GALNT13: variants seen among roughly 807,000 people sequenced by gnomAD.
GALNT13 encodes the protein UDP-GalNAc:polypeptide N-acetylgalactosaminyltransferase 13.
Under a neutral mutation model 64.2 loss-of-function variants are expected in GALNT13, and 28 were observed. The ratio of observed to expected loss-of-function variants is 0.44; its 90% CI spans 0.32 to 0.60. GALNT13 has a LOEUF of 0.60. Ranked by LOEUF, GALNT13 falls within the 20% of genes least tolerant of loss-of-function variation. The pLI, the probability that GALNT13 is intolerant of heterozygous loss-of-function variation, is 0.05. For synonymous variants in GALNT13, 214 were observed against 224.6 expected (o/e 0.95, Z 0.42); for missense variants, 577 against 669.8 (o/e 0.86, Z 1.53).
the GALNT13 span, among the ~76,000 whole-genome samples, chr2:153,119,693 A>C: frequency 6.6e-6 from 1 of 152,196 alleles, no homozygotes; most frequent in Non-Finnish European, 1.5e-5. Flanking sequence ...GCCAGGTTAG[A>C]AGAGCCAAGG....
intron 9 of GALNT13, among the ~76,000 whole-genome samples, chr2:154,380,873 C>T (rs1698236786): frequency 6.6e-6 from 1 of 151,916 alleles, no homozygotes; most frequent in Non-Finnish European, 1.5e-5. Context: ...GAATTTAGTT[C>T]CTTGGAGATT....
At chr2:153,902,491 T>A (rs1688304385) in intron 2 of GALNT13, among the ~76,000 whole-genome samples, 1 of 152,112 alleles carries the variant, frequency 6.6e-6, no homozygotes, top group Non-Finnish European at 1.5e-5. Context: ...GGAAACTATT[T>A]TTCCTCAAAC....
At chr2:153,473,837 T>C in the GALNT13 span, among the ~76,000 whole-genome samples, 4 of 152,304 alleles carry the variant, frequency 2.6e-5, no homozygotes, top group East Asian at 5.8e-4. Flanking sequence ...AAAAAGTGGA[T>C]GTTAAAGAGT....
chr2:153,562,343 TTC>T, the GALNT13 span, among the ~76,000 whole-genome samples: 1 of 152,144 alleles, frequency 6.6e-6, no homozygotes, highest in South Asian at 2.1e-4. Context: ...AACATTTTCA[TTC>T]TTTTATCCCT....
the GALNT13 span, among the ~76,000 whole-genome samples, chr2:153,169,896 G>A: frequency 6.6e-6 from 1 of 152,168 alleles, no homozygotes; most frequent in Non-Finnish European, 1.5e-5. Flanking sequence ...GACCTCATTA[G>A]CATGTGTGGT....
At chr2:153,635,445 C>CATATATATATGTATATATATATACAT in the GALNT13 span, among the ~76,000 whole-genome samples, 1 of 132,428 alleles carries the variant, frequency 7.6e-6, no homozygotes, top group Non-Finnish European at 1.6e-5. Flanking sequence ...TATATACACA[C>CATATATATATGTATATATATATACAT]ATATATATGT....
chr2:153,917,720 G>T (rs1427005753), intron 2 of GALNT13, among the ~76,000 whole-genome samples: 1 of 152,156 alleles, frequency 6.6e-6, no homozygotes, highest in Admixed American at 6.6e-5. Flanking sequence ...ACACAGGCTG[G>T]TGAGTATTCT....
At chr2:153,411,698 T>A in the GALNT13 span, among the ~76,000 whole-genome samples, 1 of 152,144 alleles carries the variant, frequency 6.6e-6, no homozygotes, top group Non-Finnish European at 1.5e-5. Context: ...AAGCTTCTTA[T>A]GAAGGAAAGA....
chr2:153,472,970 T>C, the GALNT13 span, among the ~76,000 whole-genome samples: 1 of 151,776 alleles, frequency 6.6e-6, no homozygotes, highest in African/African-American at 2.4e-5. Flanking sequence ...CACTCATAAG[T>C]GGGAGTTGAA....
the GALNT13 span, among the ~76,000 whole-genome samples, chr2:153,579,700 G>A: frequency 6.6e-6 from 1 of 152,136 alleles, no homozygotes; most frequent in East Asian, 1.9e-4. Flanking sequence ...AGCAGGGGAT[G>A]AGGAGGCACA....
At chr2:153,108,321 T>TTGTATGCTG in the GALNT13 span, among the ~76,000 whole-genome samples, 1 of 152,162 alleles carries the variant, frequency 6.6e-6, no homozygotes, top group Non-Finnish European at 1.5e-5. Flanking sequence ...AAATGCTGAA[T>TTGTATGCTG]TGTATGCTGT....
the GALNT13 span, among the ~76,000 whole-genome samples, chr2:153,524,735 T>C: frequency 6.6e-6 from 1 of 152,280 alleles, no homozygotes; most frequent in East Asian, 1.9e-4. Context: ...ATCCCAGCAG[T>C]TGAAACTTGA....
the GALNT13 span, among the ~76,000 whole-genome samples, chr2:153,088,126 G>A: frequency 2.6e-5 from 4 of 151,846 alleles, no homozygotes; most frequent in African/African-American, 9.7e-5. Context: ...TCTTAGCACT[G>A]TTTTTGCTGT....
the GALNT13 span, among the ~76,000 whole-genome samples, chr2:153,318,643 C>T: frequency 6.6e-6 from 1 of 152,122 alleles, no homozygotes; most frequent in Non-Finnish European, 1.5e-5. Flanking sequence ...GGCCTGATGT[C>T]AGATGTAGCC....
At chr2:153,342,841 C>T in the GALNT13 span, among the ~76,000 whole-genome samples, 3 of 152,162 alleles carry the variant, frequency 2.0e-5, no homozygotes, top group Admixed American at 2.0e-4. Flanking sequence ...ACTCCATTAC[C>T]TTGAACTTGC....
At chr2:153,483,216 C>A in the GALNT13 span, among the ~76,000 whole-genome samples, 1 of 152,012 alleles carries the variant, frequency 6.6e-6, no homozygotes, top group Admixed American at 6.6e-5. Context: ...AGCAATTCCA[C>A]TTCTAGGTAT....
intron 3 of GALNT13, among the ~76,000 whole-genome samples, chr2:154,107,764 C>T (rs1290847560): frequency 6.6e-6 from 1 of 151,934 alleles, no homozygotes; most frequent in East Asian, 1.9e-4. Flanking sequence ...CAATTCCCTC[C>T]ACGCTCCAAT....
At position 154,167,751 on chromosome 2, in the gene GALNT13, CA is replaced by C. The variant is rs112676998; in HGVS notation, c.311+27248del. ...AGAGCAACCACATGGCATCAGAGCC[CA>C]AGCAGGTTGAGGATAGAGTCCTGAT... On this transcript the variant is annotated intron_variant, in intron 4 of 12. Coordinates refer to ENST00000392825, the MANE Select transcript of GALNT13 (RefSeq NM_052917.4). 5.9e-5 allele frequency among the ~76,000 whole-genome samples: 9 copies of C among 152,166 alleles called. 1 individual carries two copies. Among genetic ancestry groups the C allele is most frequent in the African/African-American group, 2.2e-4 (9 of 41,516 alleles).
chr2:153,290,208 T>C, the GALNT13 span, among the ~76,000 whole-genome samples: 1 of 152,140 alleles, frequency 6.6e-6, no homozygotes, highest in Non-Finnish European at 1.5e-5. Context: ...TTATCATTAT[T>C]ATTATTTTTT....
Sources: allele counts gnomAD v4.1 joint callset (sites outside exome capture counted in the v4.1 genomes callset), GRCh38; gene constraint gnomAD v4.1.1; transcripts MANE v1.5; gene names NCBI Gene and HGNC (gene_info 2026-07-23, HGNC 2026-07-21).